Variants in IMMP2L observed in about 807,000 individuals in gnomAD.
The protein encoded by IMMP2L is inner mitochondrial membrane peptidase subunit 2, also known as mitochondrial inner membrane protease subunit 2.
IMMP2L carries 18 observed loss-of-function variants against 19.3 expected under a neutral mutation model. The observed-to-expected ratio is 0.93, with a 90% confidence interval of 0.64 to 1.38. The LOEUF is 1.38. IMMP2L is among the 40% of genes most tolerant of loss of function. The pLI is 0.00. For missense variants in IMMP2L, 233 were observed against 218.2 expected (o/e 1.07, Z -0.43); for synonymous variants, 76 against 73.0 (o/e 1.04, Z -0.21).
chr7:111,508,457 C>T (rs534216056), intron 2 of IMMP2L, among the ~76,000 whole-genome samples: 80 of 152,146 alleles, frequency 5.3e-4, no homozygotes, highest in Non-Finnish European at 9.4e-4. Flanking sequence ...GAGTTCTTGT[C>T]GCACAACCAG....
At chr7:111,313,019 G>A (rs1004706078) in intron 3 of IMMP2L, among the ~76,000 whole-genome samples, 1 of 152,088 alleles carries the variant, frequency 6.6e-6, no homozygotes, top group Non-Finnish European at 1.5e-5. Context: ...ACCCCACTAG[G>A]CTGGAGCCCA....
Position 111,241,354 on chromosome 7 carries a change from A to G in IMMP2L, c.239+245884T>C, listed in dbSNP as rs112465463. On this transcript the variant is annotated intron_variant, in intron 3 of 5. Coordinates refer to ENST00000405709, the MANE Select transcript of IMMP2L (RefSeq NM_032549.4). Reference sequence around the variant, plus strand: ...ACTGTCTTCTATGTATTGAACATAAAGTATGATTTGCTTTGTAAAAATTTT... The same window carrying G: ...ACTGTCTTCTATGTATTGAACATAAGGTATGATTTGCTTTGTAAAAATTTT... 3.6e-3 allele frequency among the ~76,000 whole-genome samples: 546 copies of G among 152,144 alleles called. 3 individuals are homozygous for G. The highest frequency in any genetic ancestry group is 0.012 in the African/African-American group (516 of 41,542).
At chr7:110,749,466 G>A (rs1046223633) in intron 5 of IMMP2L, among the ~76,000 whole-genome samples, 4 of 152,040 alleles carry the variant, frequency 2.6e-5, no homozygotes, top group Non-Finnish European at 5.9e-5. Context: ...TTGTGGCACT[G>A]TTCACAATAG....
intron 1 of IMMP2L, among the ~76,000 whole-genome samples, chr7:111,557,407 A>C (rs532364530): frequency 1.1e-4 from 17 of 152,292 alleles, no homozygotes; most frequent in African/African-American, 3.8e-4. Context: ...TTCACTCCTG[A>C]CCTTGTCCTT....
chr7:111,432,129 A>G (rs980713636), intron 3 of IMMP2L, among the ~76,000 whole-genome samples: 2 of 151,670 alleles, frequency 1.3e-5, no homozygotes, highest in South Asian at 4.1e-4. Context: ...CTTGGGAACT[A>G]TGCCCTAAAC....
intron 3 of IMMP2L, among the ~76,000 whole-genome samples, chr7:111,001,252 A>T (rs1823653725): frequency 6.6e-6 from 1 of 152,212 alleles, no homozygotes; most frequent in Admixed American, 6.5e-5. Context: ...TTTACTCATA[A>T]AATAATGTAA....
At chr7:111,131,224 A>G (rs1265855496) in intron 3 of IMMP2L, among the ~76,000 whole-genome samples, 10 of 148,802 alleles carry the variant, frequency 6.7e-5, no homozygotes, top group African/African-American at 2.5e-4. Context: ...GATTGCAGTG[A>G]AAAAAAAAAT....
chr7:110,743,914 T>C (rs1797154091), intron 5 of IMMP2L, among the ~76,000 whole-genome samples: 1 of 151,934 alleles, frequency 6.6e-6, no homozygotes, highest in Non-Finnish European at 1.5e-5. Flanking sequence ...AACAGAACCG[T>C]TCACTCCCCC....
chr7:110,948,161 G>A (rs144866045), intron 4 of IMMP2L, among the ~76,000 whole-genome samples: 1 of 152,252 alleles, frequency 6.6e-6, no homozygotes, highest in African/African-American at 2.4e-5. Context: ...TTACTTTGCA[G>A]AAGAAAACTA....
chr7:111,221,278 C>A (rs1812482427), intron 3 of IMMP2L, among the ~76,000 whole-genome samples: 1 of 151,982 alleles, frequency 6.6e-6, no homozygotes, highest in Non-Finnish European at 1.5e-5. Context: ...TCTCATACTG[C>A]TCTAGAGATA....
intron 5 of IMMP2L, among the ~76,000 whole-genome samples, chr7:110,667,243 T>C (rs1791527842): frequency 1.3e-5 from 2 of 152,240 alleles, no homozygotes; most frequent in African/African-American, 4.8e-5. Context: ...TATTTGTTTC[T>C]ATTTATACTC....
chr7:111,235,425 C>CA (rs1814183524), intron 3 of IMMP2L, among the ~76,000 whole-genome samples: 1 of 150,964 alleles, frequency 6.6e-6, no homozygotes, highest in Admixed American at 6.6e-5. Flanking sequence ...GAGCTGAGAT[C>CA]ATGCCATTGC....
intron 3 of IMMP2L, among the ~76,000 whole-genome samples, chr7:111,031,189 T>A (rs1790771733): frequency 6.6e-6 from 1 of 151,952 alleles, no homozygotes; most frequent in African/African-American, 2.4e-5. Context: ...TTCTGTCAGC[T>A]GAGAGGGCCT....
Position 111,124,386 on chromosome 7 carries a change from G to C in IMMP2L, c.240-160821C>G, listed in dbSNP as rs754934138. The C allele has an allele frequency of 6.2e-6, 10 of 1,613,548 alleles. No homozygotes were observed. The highest frequency in any genetic ancestry group is 1.6e-4 in the Middle Eastern group (1 of 6,078). On this transcript the variant is annotated intron_variant, in intron 3 of 5. Transcript: ENST00000405709. ...GAGATATTCAGGCCAATTCAGTTTT[G>C]GTGTCCTGGAAAGCAAGTTCTAAAA...
chr7:111,503,053 A>G (rs1402595031), intron 2 of IMMP2L, among the ~76,000 whole-genome samples: 1 of 152,146 alleles, frequency 6.6e-6, no homozygotes, highest in Non-Finnish European at 1.5e-5. Context: ...GAAAAGATCA[A>G]CAAAATCGAT....
chr7:111,424,204 A>C (rs1289620301), intron 3 of IMMP2L, among the ~76,000 whole-genome samples: 1 of 151,844 alleles, frequency 6.6e-6, no homozygotes, highest in Non-Finnish European at 1.5e-5. Flanking sequence ...ATTTACGGTA[A>C]GGTACTTTCT....
At chr7:111,348,589 T>C (rs1295287879) in intron 3 of IMMP2L, among the ~76,000 whole-genome samples, 6 of 152,092 alleles carry the variant, frequency 3.9e-5, no homozygotes, top group Non-Finnish European at 7.4e-5. Context: ...ACCTGCAAAA[T>C]TGTCCTAATA....
rs1814644203 is a variant in IMMP2L, at chr7:110,924,531, T to G, written c.306-37836A>C. ...GGGGAACTGGGCAGGCCGGTTTTAA[T>G]ATTAGATATTCTAATAATGTAAATA... On this transcript the variant is annotated intron_variant, in intron 4 of 5. Coordinates refer to ENST00000405709, the MANE Select transcript of IMMP2L (RefSeq NM_032549.4). The surrounding 1 kb of genome is among the most constrained non-coding windows in gnomAD (Gnocchi z 4.2). Among the ~76,000 whole-genome samples the G allele has an allele frequency of 6.6e-6, 1 of 152,164 alleles. No individual in the cohort carries two copies. Among genetic ancestry groups the G allele is most frequent in the Non-Finnish European group, 1.5e-5 (1 of 68,024 alleles).
chr7:111,467,511 A>G (rs1461174866), intron 3 of IMMP2L, among the ~76,000 whole-genome samples: 1 of 152,150 alleles, frequency 6.6e-6, no homozygotes, highest in East Asian at 1.9e-4. Context: ...TTTACAGAAT[A>G]AATGTTCAAA....
Sources: allele counts gnomAD v4.1 joint callset (sites outside exome capture counted in the v4.1 genomes callset), GRCh38; gene constraint gnomAD v4.1.1; non-coding constraint Gnocchi (gnomAD v3.1); transcripts MANE v1.5; gene names NCBI Gene and HGNC (gene_info 2026-07-23, HGNC 2026-07-21).